Variants in FBL observed in about 807,000 individuals in gnomAD.
FBL encodes rRNA 2'-O-methyltransferase fibrillarin.
FBL carries 10 observed loss-of-function variants against 42.2 expected under a neutral mutation model. The observed-to-expected ratio is 0.24, with a 90% confidence interval of 0.15 to 0.40. The LOEUF is 0.40. Among genes scored for constraint, FBL ranks in the 10% least tolerant of loss-of-function variants. FBL has a pLI of 1.00. For synonymous variants in FBL, 165 were observed against 165.4 expected (o/e 1.00, Z 0.02); for missense variants, 351 against 439.2 (o/e 0.80, Z 1.79).
At chr19:39,837,920 T>A in intron 5 of FBL, 77 bp from the exon 6 acceptor site, 1 of 1,230,324 alleles carries the variant, frequency 8.1e-7, no homozygotes, top group Non-Finnish European at 1.1e-6. Flanking sequence ...CCATACACTA[T>A]ACACAGCATC....
Position 39,834,489 on chromosome 19 carries a change from G to A in FBL, c.*49C>T. On this transcript the variant is annotated 3_prime_UTR_variant, in exon 9 of 9. Transcript: ENST00000221801. ...TGAGTCTTTTAATAGAAAAACACACGTGCAACAGTATCAACACACATCTCT... is the reference window on the plus strand; with the variant it reads ...TGAGTCTTTTAATAGAAAAACACACATGCAACAGTATCAACACACATCTCT... 1.9e-6 allele frequency: 3 copies of A among 1,606,112 alleles called. No homozygotes were observed. The highest frequency in any genetic ancestry group is 2.6e-6 in the Non-Finnish European group (3 of 1,172,988).
At chr19:39,839,281 T>A in intron 4 of FBL, 76 bp from the exon 5 acceptor site, 1 of 1,226,726 alleles carries the variant, frequency 8.2e-7, no homozygotes, top group Non-Finnish European at 1.1e-6. Context: ...CTAGGAGCCT[T>A]GAAAGGAACT....
intron 1 of FBL, among the ~76,000 whole-genome samples, chr19:39,841,156 C>T (rs539879157): frequency 7.2e-5 from 11 of 152,204 alleles, no homozygotes; most frequent in Admixed American, 2.0e-4. Context: ...ACCGCAGCCT[C>T]GAACTCCTGG....
chr19:39,842,089 C>CTTT (rs35883024), intron 1 of FBL, among the ~76,000 whole-genome samples: 1 of 142,856 alleles, frequency 7.0e-6, no homozygotes. Context: ...CATAAGCTTG[C>CTTT]TTTTTTTTTT....
intron 6 of FBL, among the ~76,000 whole-genome samples, chr19:39,836,897 G>A (rs2145055924): frequency 6.6e-6 from 1 of 152,314 alleles, no homozygotes; most frequent in African/African-American, 2.4e-5. Context: ...CACCTACTCT[G>A]TGGCCAGCCC....
In FBL at chr19:39,840,277, C is replaced by A. The variant is rs758770915; in HGVS notation, c.334G>T (p.Val112Phe). 6.2e-7 allele frequency: 1 copy of A among 1,613,944 alleles called. No individual in the cohort carries two copies. The highest frequency in any genetic ancestry group is 1.3e-5 in the African/African-American group (1 of 74,884). ...TCTCCATAAACTGATTCCCCAGGGA[C>A]CAGGTTCTTGGTGACCAGTGCATCT... ...KEDALVTKNL[V>F]PGESVYGEKR... Residue 112 changes from valine (V) to phenylalanine (F), a missense_variant, in exon 4 of 9, where the codon GTC becomes TTC. Transcript: ENST00000221801. This position sits in a 1 kb window ranked among gnomAD's most constrained non-coding sequence, Gnocchi z 4.5.
intron 6 of FBL, among the ~76,000 whole-genome samples, chr19:39,837,438 T>C (rs1316285055): frequency 1.3e-5 from 2 of 152,044 alleles, no homozygotes; most frequent in Non-Finnish European, 2.9e-5. Context: ...GGTAGTGTAA[T>C]AAATACAAGA....
chr19:39,846,178 C>G, intron 1 of FBL, 113 bp downstream of exon 1: 1 of 1,249,834 alleles, frequency 8.0e-7, no homozygotes, highest in Non-Finnish European at 1.2e-6. Context: ...GACTGGAACC[C>G]GTGCTCAGAA....
chr19:39,834,942 C>A, intron 7 of FBL, 129 bp from the exon 8 acceptor site: 1 of 957,148 alleles, frequency 1.0e-6, no homozygotes, highest in East Asian at 2.6e-5. Flanking sequence ...GTGTGTCCCC[C>A]AAAGTTCATG....
chr19:39,836,435 C>G (rs1969049875), intron 7 of FBL, 121 bp downstream of exon 7: 1 of 600,744 alleles, frequency 1.7e-6, no homozygotes, highest in Non-Finnish European at 2.9e-6. Flanking sequence ...TCTTTAAATC[C>G]AAAGCTATAG....
chr19:39,841,422 G>A (rs749455652), intron 1 of FBL, among the ~76,000 whole-genome samples: 1 of 152,150 alleles, frequency 6.6e-6, no homozygotes, highest in Non-Finnish European at 1.5e-5. Context: ...ATTGGTGAAT[G>A]GGAAGGAGAT....
chr19:39,846,342 A>T lies in FBL; in HGVS notation c.-42T>A. ...TGCGGCTCCGGAGTCCGCGGCGTTCACAACTCCACGAGTCCGGGGCTTTCG... is the reference window on the plus strand; with the variant it reads ...TGCGGCTCCGGAGTCCGCGGCGTTCTCAACTCCACGAGTCCGGGGCTTTCG... On this transcript the variant is annotated 5_prime_UTR_variant, in exon 1 of 9. Transcript: ENST00000221801. 1 of 1,611,656 alleles carries T rather than the reference A, an allele frequency of 6.2e-7. No homozygotes were observed. The highest frequency in any genetic ancestry group is 8.5e-7 in the Non-Finnish European group (1 of 1,179,000).
At chr19:39,842,230 C>T (rs1227043354) in intron 1 of FBL, among the ~76,000 whole-genome samples, 3 of 152,072 alleles carry the variant, frequency 2.0e-5, no homozygotes, top group East Asian at 1.9e-4. Flanking sequence ...GGACTACAGG[C>T]GCCCACCACC....
At position 39,834,831 on chromosome 19, in the gene FBL, C is replaced by CTAA. The variant is rs1361831246; in HGVS notation, c.796-21_796-19dup. The CTAA allele has an allele frequency of 1.2e-6, 2 of 1,614,072 alleles. No individual in the cohort carries two copies. The highest frequency in any genetic ancestry group is 1.7e-6 in the Non-Finnish European group (2 of 1,179,922). ...CAGTTGGCCTAAAGAGGAGAAAGGA[C>CTAA]TAATGTCTACAACAGGGCTTTGGGC... On this transcript the variant is annotated intron_variant, in intron 7 of 8. Transcript: ENST00000221801.
At position 39,837,812 on chromosome 19, in the gene FBL, T is replaced by G. The variant is rs1181846165; in HGVS notation, c.581A>C (p.His194Pro). 1 of 1,613,244 alleles carries G rather than the reference T, an allele frequency of 6.2e-7. No individual in the cohort carries two copies. Among genetic ancestry groups the G allele is most frequent in the Admixed American group, 1.7e-5 (1 of 59,812 alleles). Residue 194 changes from histidine to proline, a missense_variant, in exon 6 of 9, where the codon CAC becomes CCC. His to Pro is a moderately conservative substitution (Grantham distance 77). Coordinates refer to ENST00000221801, the MANE Select transcript of FBL (RefSeq NM_001436.4). ...DGLVYAVEFSHRSGRDLINLA... is the reference protein window; with the variant it reads ...DGLVYAVEFSPRSGRDLINLA... ...GTTAATGAGGTCACGGCCAGAGCGG[T>G]GGGAGAACTCGACTGCATAGACTAG...
chr19:39,835,024 C>G lies in FBL; in HGVS notation c.796-211G>C, dbSNP rs148214500. On this transcript the variant is annotated intron_variant, in intron 7 of 8. Coordinates refer to ENST00000221801, the MANE Select transcript of FBL (RefSeq NM_001436.4). ...TCGAGAGATGATTCAGGTCATGAGG[C>G]CTCTGCCTTCCTGAATAGAGTAATG... is the stretch of plus-strand genomic sequence containing the variant. Among the ~76,000 whole-genome samples the G allele has an allele frequency of 1.5e-3, 230 of 152,296 alleles. 1 individual carries two copies. The highest frequency in any genetic ancestry group is 5.2e-3 in the African/African-American group (218 of 41,562).
chr19:39,843,732 C>T (rs958154638), intron 1 of FBL, among the ~76,000 whole-genome samples: 13 of 152,212 alleles, frequency 8.5e-5, no homozygotes, highest in Non-Finnish European at 1.9e-4. Context: ...GGTGCCACTG[C>T]ACTCCAGCCT....
At chr19:39,843,903 C>T (rs780019444) in intron 1 of FBL, among the ~76,000 whole-genome samples, 2 of 152,180 alleles carry the variant, frequency 1.3e-5, no homozygotes, top group Non-Finnish European at 2.9e-5. Context: ...CTCAGGGGTA[C>T]GCGTCTCCTC....
intron 5 of FBL, 193 bp from the exon 6 acceptor site, chr19:39,838,036 G>A: frequency 1.9e-6 from 1 of 535,528 alleles, no homozygotes; most frequent in South Asian, 2.3e-5. Flanking sequence ...CTGGCCAAGA[G>A]TTATTCAGCA....
Sources: allele counts gnomAD v4.1 joint callset (sites outside exome capture counted in the v4.1 genomes callset), GRCh38; gene constraint gnomAD v4.1.1; non-coding constraint Gnocchi (gnomAD v3.1); transcripts MANE v1.5; gene names NCBI Gene and HGNC (gene_info 2026-07-23, HGNC 2026-07-21).